The following LMO2 variants were observed in gnomAD, a reference collection of about 807,000 sequenced individuals.
The protein encoded by LMO2 is LIM domain only 2.
In LMO2, 20 loss-of-function variants were observed where a neutral mutation model predicts 23.2. That is an observed-to-expected ratio of 0.86 (90% CI 0.61 to 1.25). The LOEUF is 1.25. LMO2 is among the 50% of genes most tolerant of loss of function. The probability of loss-of-function intolerance (pLI) is 0.00; values close to 1 mark genes in which losing one functional copy is unlikely to be tolerated. For missense variants in LMO2, 270 were observed against 315.3 expected (o/e 0.86, Z 1.09); for synonymous variants, 123 against 130.2 (o/e 0.94, Z 0.38).
At chr11:33,860,780 C>T (rs978098938) in intron 5 of LMO2, among the ~76,000 whole-genome samples, 1 of 152,026 alleles carries the variant, frequency 6.6e-6, no homozygotes, top group Non-Finnish European at 1.5e-5. Flanking sequence ...AAAAGAAAAG[C>T]AAAAACTAAA....
intron 4 of LMO2, among the ~76,000 whole-genome samples, chr11:33,867,147 A>C (rs1464506525): frequency 1.3e-5 from 2 of 152,218 alleles, no homozygotes; most frequent in Non-Finnish European, 2.9e-5. Flanking sequence ...CAGGGGAGGC[A>C]GTGGGGGCCA....
intron 5 of LMO2, among the ~76,000 whole-genome samples, chr11:33,860,136 G>A (rs1856516585): frequency 6.6e-6 from 1 of 152,146 alleles, no homozygotes; most frequent in Non-Finnish European, 1.5e-5. Context: ...TTATTCGCTG[G>A]GGCCCCAGCT....
intron 2 of LMO2, among the ~76,000 whole-genome samples, chr11:33,876,163 A>G (rs1418779212): frequency 6.6e-6 from 1 of 152,162 alleles, no homozygotes; most frequent in African/African-American, 2.4e-5. Flanking sequence ...TCATCCTCAG[A>G]GGGCTTTATA....
intron 1 of LMO2, among the ~76,000 whole-genome samples, chr11:33,887,760 G>C (rs1016789801): frequency 1.3e-5 from 2 of 152,062 alleles, no homozygotes; most frequent in East Asian, 1.9e-4. Flanking sequence ...TTTTTGTAGA[G>C]ATGGGGTTTT....
rs202158823 is a variant in LMO2, at chr11:33,859,482, C to G, written c.558G>C (p.Leu186=). The G allele has an allele frequency of 6.2e-7, 1 of 1,614,070 alleles. No homozygotes were observed. The highest frequency in any genetic ancestry group is 8.5e-7 in the Non-Finnish European group (1 of 1,179,994). Residue 186 remains leucine (L), a synonymous_variant, in exon 6 of 6, where the codon CTG becomes CTC. Transcript: ENST00000257818. ...GACAGGCGGCGCATTTGAAACATTC[C>G]AGGTGATACACTTTGTCTTTCACCC... ...TMRVKDKVYH[L]ECFKCAACQK... is the part of the protein sequence containing the mutation.
intron 1 of LMO2, among the ~76,000 whole-genome samples, chr11:33,882,488 C>CGTG (rs2133714187): frequency 6.6e-6 from 1 of 152,290 alleles, no homozygotes; most frequent in Admixed American, 6.5e-5. Context: ...TCCTTAGACT[C>CGTG]GGGCATTCTT....
At chr11:33,875,383 G>A (rs1333518707) in intron 2 of LMO2, among the ~76,000 whole-genome samples, 1 of 152,110 alleles carries the variant, frequency 6.6e-6, no homozygotes, top group African/African-American at 2.4e-5. Flanking sequence ...TTCGAGACCA[G>A]CCTGGCCAAC....
At position 33,880,180 on chromosome 11, in the gene LMO2, G is replaced by GATATATATATATCATATATACACATGAT. The variant is rs201634582; in HGVS notation, c.-272+1643_-272+1644insATCATGTGTATATATGATATATATATAT. Among the ~76,000 whole-genome samples, 7 of 23,960 alleles carry GATATATATATATCATATATACACATGAT rather than the reference G, an allele frequency of 2.9e-4. No homozygotes were observed. Among genetic ancestry groups the GATATATATATATCATATATACACATGAT allele is most frequent in the East Asian group, 1.8e-3 (1 of 562 alleles). The allele number at this position is 23,960 out of a possible 152,430, so 15.7% of individuals were successfully genotyped here. ...ATATATACATATGATATATACACAT[G>GATATATATATATCATATATACACATGAT]ATATATATATCATATATACACATGA... On this transcript the variant is annotated intron_variant, in intron 2 of 5. Coordinates refer to ENST00000257818, the MANE Select transcript of LMO2 (RefSeq NM_005574.4). This position sits in a 1 kb window ranked among gnomAD's most constrained non-coding sequence, Gnocchi z 4.3.
In LMO2 at chr11:33,869,336, C is replaced by G. The variant is rs532429140; in HGVS notation, c.248+10G>C. The G allele has an allele frequency of 4.5e-5, 54 of 1,195,256 alleles. No individual in the cohort carries two copies. In the African/African-American group the frequency reaches 5.3e-4, roughly 12 times the overall value. The allele number at this position is 1,195,256 out of a possible 1,614,324, so 74.0% of individuals were successfully genotyped here. On this transcript the variant is annotated intron_variant, in intron 4 of 5. Coordinates refer to ENST00000257818, the MANE Select transcript of LMO2 (RefSeq NM_005574.4). ...ACCGGGGGTGGCAGGGGCAGGGGGG[C>G]CGCACTTACTCTGAAGGGTCCAGGC...
At chr11:33,869,308 G>C (rs879352977) in intron 4 of LMO2, 38 bp downstream of exon 4, 1 of 1,146,476 alleles carries the variant, frequency 8.7e-7, no homozygotes, top group Non-Finnish European at 1.1e-6. Flanking sequence ...CGAGGCCGTG[G>C]ACACCGGGGG....
In LMO2 at chr11:33,858,961, G is replaced by T; in HGVS notation, c.*395C>A. 1 of 255,446 alleles carries T rather than the reference G, an allele frequency of 3.9e-6. No homozygotes were observed. The highest frequency in any genetic ancestry group is 1.2e-3 in the Middle Eastern group (1 of 838). 15.8% of individuals were successfully genotyped at this position (255,446 alleles called of 1,614,324 possible). ...GGGAGTTAAAAAGCCAGGAAGAAAA[G>T]AAATCAATTGCACATCTCTAGTTCG... is the stretch of plus-strand genomic sequence containing the variant. On this transcript the variant is annotated 3_prime_UTR_variant, in exon 6 of 6. Transcript: ENST00000257818.
intron 2 of LMO2, chr11:33,870,426 C>A (rs551244992): frequency 1.0e-5 from 10 of 985,730 alleles, no homozygotes; most frequent in East Asian, 2.3e-4. Context: ...CACTGGGATG[C>A]CCCGGACAGC....
intron 2 of LMO2, chr11:33,870,649 G>T (rs1221211280): frequency 3.5e-6 from 3 of 855,620 alleles, no homozygotes; most frequent in African/African-American, 3.7e-5. Context: ...CCTCTCAGTC[G>T]GCTGGTGGCG....
rs548897544 is a variant in LMO2 at position 33,860,664 on chromosome 11, G to T, written c.465-1089C>A. 2.8e-4 allele frequency among the ~76,000 whole-genome samples: 42 copies of T among 152,242 alleles called. No individual in the cohort carries two copies. In the South Asian group the frequency reaches 8.5e-3, roughly 31 times the overall value. ...CTCTAGTCTCAGCTATTAATACTTG[G>T]GAGGCTGAGGTGGGAGGATGGCTTT... is the stretch of plus-strand genomic sequence containing the variant. On this transcript the variant is annotated intron_variant, in intron 5 of 5. Transcript: ENST00000257818.
chr11:33,872,072 C>G (rs1276028731), intron 2 of LMO2, among the ~76,000 whole-genome samples: 1 of 152,180 alleles, frequency 6.6e-6, no homozygotes, highest in Non-Finnish European at 1.5e-5. Flanking sequence ...GGGTGGATCA[C>G]TTGAGGTCAG....
chr11:33,879,933 A>G (rs1400546943), intron 2 of LMO2, among the ~76,000 whole-genome samples: 1 of 152,062 alleles, frequency 6.6e-6, no homozygotes, highest in Non-Finnish European at 1.5e-5. Context: ...TGAAAACGGT[A>G]TGCCGGTTCC....
chr11:33,871,068 T>C (rs770458782), intron 2 of LMO2: 56 of 984,330 alleles, frequency 5.7e-5, no homozygotes, highest in Non-Finnish European at 6.6e-5. Context: ...TTTTATATGA[T>C]CAGTCTGGAT....
At chr11:33,863,804 C>T (rs1286156317) in intron 5 of LMO2, among the ~76,000 whole-genome samples, 3 of 152,246 alleles carry the variant, frequency 2.0e-5, no homozygotes, top group Non-Finnish European at 4.4e-5. Context: ...CTCTTCCATT[C>T]TTCCATCCCT....
At chr11:33,862,714 G>C (rs1446060267) in intron 5 of LMO2, among the ~76,000 whole-genome samples, 1 of 152,078 alleles carries the variant, frequency 6.6e-6, no homozygotes, top group African/African-American at 2.4e-5. Context: ...ACAAGACCTT[G>C]GCTAAAGGAC....
Sources: gnomAD v4.1 joint callset for allele counts (sites outside exome capture counted in the v4.1 genomes callset) on GRCh38, gnomAD v4.1.1 for gene constraint, Gnocchi (gnomAD v3.1) non-coding constraint, MANE v1.5 for transcripts, NCBI Gene and HGNC (gene_info 2026-07-23, HGNC 2026-07-21) for gene names.